The following TENM3 variants were observed in gnomAD, a reference collection of about 807,000 sequenced individuals.
TENM3 encodes the protein teneurin-3.
In TENM3, 63 loss-of-function variants were observed where a neutral mutation model predicts 255.1. That is an observed-to-expected ratio of 0.25 (90% confidence interval 0.20 to 0.30). TENM3 has a LOEUF of 0.30. TENM3 is among the 10% of genes least tolerant of loss of function. TENM3 has a pLI of 1.00. For synonymous variants in TENM3, 1,306 were observed against 1,322.3 expected (o/e 0.99, Z 0.27); for missense variants, 2,929 against 3,461.1 (o/e 0.85, Z 3.86).
the TENM3 span, among the ~76,000 whole-genome samples, chr4:181,531,255 C>T: frequency 7.2e-5 from 11 of 152,212 alleles, no homozygotes; most frequent in African/African-American, 1.7e-4. Context: ...CAGAAACTCA[C>T]GATGATCATC....
Position 182,576,716 on chromosome 4 carries a change from A to G in TENM3, c.512-24208A>G, listed in dbSNP as rs76077106. On this transcript the variant is annotated intron_variant, in intron 3 of 27. Coordinates refer to ENST00000511685, the MANE Select transcript of TENM3 (RefSeq NM_001080477.4). Reference sequence around the variant, plus strand: ...GCCAGGGCTTTCGTTTATACACTCAATACAATACTATAAATCTCTACTAAC... The same window carrying G: ...GCCAGGGCTTTCGTTTATACACTCAGTACAATACTATAAATCTCTACTAAC... Among the ~76,000 whole-genome samples the G allele has an allele frequency of 6.6e-3, 1,011 of 152,238 alleles. 35 individuals are homozygous for G. In the East Asian group the frequency reaches 0.08, roughly 12 times the overall value.
chr4:182,461,837 G>A (rs550304278), intron 3 of TENM3, among the ~76,000 whole-genome samples: 1 of 152,316 alleles, frequency 6.6e-6, no homozygotes, highest in South Asian at 2.1e-4. Flanking sequence ...GAAAGACCAA[G>A]TGACTGTTTT....
chr4:181,864,840 C>T, the TENM3 span, among the ~76,000 whole-genome samples: 1 of 152,134 alleles, frequency 6.6e-6, no homozygotes, highest in African/African-American at 2.4e-5. Context: ...ACAGAGGGCA[C>T]CCTCCTTTTC....
At chr4:181,822,955 A>G in the TENM3 span, among the ~76,000 whole-genome samples, 1 of 152,168 alleles carries the variant, frequency 6.6e-6, no homozygotes, top group Non-Finnish European at 1.5e-5. Context: ...TGGACATACA[A>G]TCGTATGTGG....
chr4:181,891,373 A>G, the TENM3 span, among the ~76,000 whole-genome samples: 1 of 152,094 alleles, frequency 6.6e-6, no homozygotes, highest in Non-Finnish European at 1.5e-5. Flanking sequence ...AATATTTACA[A>G]CCCCTGTATA....
intron 3 of TENM3, among the ~76,000 whole-genome samples, chr4:182,378,741 T>C (rs28735220): frequency 0.04 from 6,105 of 152,250 alleles, 389 homozygotes; most frequent in African/African-American, 0.14. Flanking sequence ...TTTGAATTTT[T>C]AAAAGATTAT....
At chr4:182,273,854 G>T (rs751994429) in intron 1 of TENM3, among the ~76,000 whole-genome samples, 3 of 152,100 alleles carry the variant, frequency 2.0e-5, no homozygotes, top group Non-Finnish European at 4.4e-5. Context: ...AAAATATTTT[G>T]GTTTAAATTT....
the TENM3 span, among the ~76,000 whole-genome samples, chr4:181,636,026 AAG>A: frequency 4.6e-3 from 694 of 152,254 alleles, 7 homozygotes; most frequent in African/African-American, 0.016. Flanking sequence ...TGTGGAAGGA[AAG>A]AGAGAGAAAC....
In TENM3 at chr4:182,799,802, C is replaced by T. The variant is rs754564097; in HGVS notation, c.7551C>T (p.Ala2517=). The T allele has an allele frequency of 2.6e-5, 41 of 1,606,738 alleles. No individual in the cohort carries two copies. Among genetic ancestry groups the T allele is most frequent in the Non-Finnish European group, 3.2e-5 (38 of 1,176,992 alleles). ...TGCAGACCAACGTGCTCAACATCGC[C>T]AACGAGGACTGCATCAAGGTGGCGG... ...GRVQTNVLNI[A]NEDCIKVAAV... is the part of the protein sequence containing the mutation. Residue 2517 remains alanine, a synonymous_variant, in exon 28 of 28, where the codon GCC becomes GCT. Coordinates refer to ENST00000511685, the MANE Select transcript of TENM3 (RefSeq NM_001080477.4). The surrounding 1 kb of genome is among the most constrained non-coding windows in gnomAD (Gnocchi z 4.2).
the TENM3 span, among the ~76,000 whole-genome samples, chr4:181,698,454 G>A: frequency 1.3e-5 from 2 of 151,720 alleles, no homozygotes; most frequent in African/African-American, 4.8e-5. Flanking sequence ...GCATTTAAAG[G>A]CTTTATTTTA....
chr4:182,306,526 A>C (rs1762142514), intron 1 of TENM3, among the ~76,000 whole-genome samples: 1 of 152,230 alleles, frequency 6.6e-6, no homozygotes, highest in Admixed American at 6.5e-5. Flanking sequence ...GAGAGTTTAT[A>C]ACAAAATGTT....
At chr4:182,044,602 CAT>C in the TENM3 span, among the ~76,000 whole-genome samples, 1 of 152,200 alleles carries the variant, frequency 6.6e-6, no homozygotes, top group Non-Finnish European at 1.5e-5. Context: ...GGATAGAAAA[CAT>C]GTAAAATGTT....
chr4:182,030,727 A>G, the TENM3 span, among the ~76,000 whole-genome samples: 1 of 151,726 alleles, frequency 6.6e-6, no homozygotes, highest in East Asian at 1.9e-4. Flanking sequence ...TTGTTTCCTG[A>G]CTTTTTAATA....
At chr4:182,041,990 G>A in the TENM3 span, among the ~76,000 whole-genome samples, 2 of 152,190 alleles carry the variant, frequency 1.3e-5, no homozygotes, top group African/African-American at 4.8e-5. Context: ...ACATTCGAAA[G>A]TAAAGAATCT....
intron 24 of TENM3, among the ~76,000 whole-genome samples, chr4:182,787,929 A>C (rs1157077545): frequency 6.6e-6 from 1 of 152,054 alleles, no homozygotes; most frequent in Non-Finnish European, 1.5e-5. Context: ...CTTAAGGATT[A>C]TTTTTGCATG....
intron 3 of TENM3, among the ~76,000 whole-genome samples, chr4:182,386,112 T>G (rs1351042480): frequency 1.3e-5 from 2 of 152,212 alleles, no homozygotes; most frequent in Non-Finnish European, 1.5e-5. Context: ...CAAGTTTCTA[T>G]TTGGAGAAAA....
At chr4:182,273,257 A>G (rs2150228943) in intron 1 of TENM3, among the ~76,000 whole-genome samples, 1 of 152,326 alleles carries the variant, frequency 6.6e-6, no homozygotes, top group African/African-American at 2.4e-5. Context: ...AGCTCTGAAG[A>G]GGTTAAGACG....
At chr4:181,799,723 T>C in the TENM3 span, among the ~76,000 whole-genome samples, 1 of 152,144 alleles carries the variant, frequency 6.6e-6, no homozygotes, top group African/African-American at 2.4e-5. Context: ...CCTGGGATAA[T>C]AATAGATGAG....
chr4:182,537,566 A>G lies in TENM3; in HGVS notation c.512-63358A>G, dbSNP rs924291347. ...CTTTCTGCTATTTCTTGGCCTCTAT[A>G]CTTGCAAATGCTTAACATTTGCATG... On this transcript the variant is annotated intron_variant, in intron 3 of 27. Coordinates refer to ENST00000511685, the MANE Select transcript of TENM3 (RefSeq NM_001080477.4). Among the ~76,000 whole-genome samples the G allele has an allele frequency of 5.9e-5, 9 of 152,298 alleles. No homozygotes were observed. In the South Asian group the frequency reaches 1.2e-3, roughly 21 times the overall value.
Sources: allele counts gnomAD v4.1 joint callset (sites outside exome capture counted in the v4.1 genomes callset), GRCh38; gene constraint gnomAD v4.1.1; non-coding constraint Gnocchi (gnomAD v3.1); transcripts MANE v1.5; gene names NCBI Gene and HGNC (gene_info 2026-07-23, HGNC 2026-07-21).